Variants in KCNMB4 observed in about 807,000 individuals in gnomAD.
The protein encoded by KCNMB4 is calcium-activated potassium channel subunit beta-4.
A neutral mutation model predicts 20.7 loss-of-function variants in KCNMB4; 3 were observed. The ratio of observed to expected loss-of-function variants is 0.14; its 90% CI spans 0.07 to 0.37. The LOEUF is 0.37. Ranked by LOEUF, KCNMB4 falls within the 10% of genes least tolerant of loss-of-function variation. The pLI, the probability that KCNMB4 is intolerant of heterozygous loss-of-function variation, is 1.00. For synonymous variants in KCNMB4, 110 were observed against 113.4 expected (o/e 0.97, Z 0.19); for missense variants, 168 against 265.9 (o/e 0.63, Z 2.56).
At position 70,430,737 on chromosome 12, in the gene KCNMB4, G is replaced by A. The variant is rs765821544; in HGVS notation, c.*84G>A. 1.7e-5 allele frequency: 23 copies of A among 1,358,390 alleles called. No homozygotes were observed. Among genetic ancestry groups the A allele is most frequent in the South Asian group, 1.4e-4 (9 of 64,236 alleles). 84.1% of individuals were successfully genotyped at this position (1,358,390 alleles called of 1,614,324 possible). A position where few individuals can be genotyped will look rare whatever the true frequency, so the allele number is the denominator to read the frequency against. On this transcript the variant is annotated 3_prime_UTR_variant, in exon 3 of 3. Coordinates refer to ENST00000258111, the MANE Select transcript of KCNMB4 (RefSeq NM_014505.6). ...ACCTGCGGAACCTGTGTTTCCTGGC[G>A]CAGGAGATGGACAGGGCCACGACAG...
In KCNMB4 at chr12:70,431,118, T is replaced by A. The variant is rs1266373620; in HGVS notation, c.*465T>A. The A allele has an allele frequency of 1.3e-5, 2 of 152,358 alleles. No individual in the cohort carries two copies. Among genetic ancestry groups the A allele is most frequent in the Middle Eastern group, 3.4e-3 (1 of 294 alleles). The allele number at this position is 152,358 out of a possible 1,614,324, so 9.4% of individuals were successfully genotyped here. On this transcript the variant is annotated 3_prime_UTR_variant, in exon 3 of 3. Transcript: ENST00000258111. ...ATTTGCTTCTGCTAGGTTAAACTTT[T>A]ACTTGACAACAAGGATTCCTGCTGA...
At chr12:70,394,023 A>G (rs1416197592) in intron 1 of KCNMB4, among the ~76,000 whole-genome samples, 1 of 152,168 alleles carries the variant, frequency 6.6e-6, no homozygotes, top group African/African-American at 2.4e-5. Context: ...AGGCCAAAAT[A>G]TTCATGTCTT....
chr12:70,400,171 A>G (rs1184677179), intron 1 of KCNMB4, 38 bp from the exon 2 acceptor site: 7 of 1,478,294 alleles, frequency 4.7e-6, no homozygotes, highest in Non-Finnish European at 6.4e-6. Flanking sequence ...AATGTTCCAT[A>G]AAATAATAGG....
In KCNMB4 at chr12:70,384,310, G is replaced by C. The variant is rs559350483; in HGVS notation, c.337-15899G>C. Among the ~76,000 whole-genome samples the C allele has an allele frequency of 4.6e-5, 7 of 151,782 alleles. No individual in the cohort carries two copies. The Middle Eastern group carries it at 0.014, about 295-fold the overall frequency. ...TCTCCAATAAAGAAGGCTTATTTTT[G>C]TGAGAGAAAACTGAGAACTGTTACT... is the stretch of plus-strand genomic sequence containing the variant. On this transcript the variant is annotated intron_variant, in intron 1 of 2. Transcript: ENST00000258111.
chr12:70,374,636 T>C (rs961450039), intron 1 of KCNMB4, among the ~76,000 whole-genome samples: 14 of 152,216 alleles, frequency 9.2e-5, no homozygotes, highest in Admixed American at 2.0e-4. Flanking sequence ...GCCATTTTTA[T>C]AAATAAACTA....
chr12:70,414,035 C>T (rs1455584077), intron 2 of KCNMB4, among the ~76,000 whole-genome samples: 2 of 151,966 alleles, frequency 1.3e-5, no homozygotes. Flanking sequence ...AGTTCGAGAC[C>T]AGCCTGACCA....
chr12:70,423,264 T>C (rs1360088182), intron 2 of KCNMB4, among the ~76,000 whole-genome samples: 2 of 152,206 alleles, frequency 1.3e-5, no homozygotes, highest in Non-Finnish European at 2.9e-5. Flanking sequence ...ATTTTCTCCA[T>C]GAAGAATAGG....
chr12:70,414,007 G>T (rs1348854991), intron 2 of KCNMB4, among the ~76,000 whole-genome samples: 1 of 152,146 alleles, frequency 6.6e-6, no homozygotes, highest in Non-Finnish European at 1.5e-5. Flanking sequence ...GCTGAGGCAG[G>T]CAGATCATGA....
chr12:70,377,667 A>G (rs1179087719), intron 1 of KCNMB4, among the ~76,000 whole-genome samples: 2 of 152,176 alleles, frequency 1.3e-5, no homozygotes, highest in Admixed American at 6.5e-5. Context: ...ATTTAATAGC[A>G]TTTTACTTAC....
At chr12:70,376,165 A>C (rs1274668192) in intron 1 of KCNMB4, among the ~76,000 whole-genome samples, 3 of 142,190 alleles carry the variant, frequency 2.1e-5, no homozygotes, top group Admixed American at 7.0e-5. Flanking sequence ...AAAAAAAAAA[A>C]CCAACAAATT....
At chr12:70,408,255 G>A (rs1055352910) in intron 2 of KCNMB4, among the ~76,000 whole-genome samples, 4 of 152,156 alleles carry the variant, frequency 2.6e-5, no homozygotes, top group Middle Eastern at 3.4e-3. Context: ...GCTGTTTGGA[G>A]GTGTGAAAAA....
chr12:70,388,494 T>C (rs770587010), intron 1 of KCNMB4, among the ~76,000 whole-genome samples: 1 of 152,116 alleles, frequency 6.6e-6, no homozygotes, highest in Admixed American at 6.5e-5. Flanking sequence ...GTACAAGGAT[T>C]CCCTTTTCTC....
Position 70,384,008 on chromosome 12 carries a change from G to T in KCNMB4, c.337-16201G>T, listed in dbSNP as rs543657548. Among the ~76,000 whole-genome samples, 8 of 152,300 alleles carry T rather than the reference G, an allele frequency of 5.3e-5. No homozygotes were observed. In the South Asian group the frequency reaches 1.7e-3, roughly 32 times the overall value. On this transcript the variant is annotated intron_variant, in intron 1 of 2. Transcript: ENST00000258111. ...CACTTGAACCCAGGGGGCAGAAGTT[G>T]CAGTGAGCCGAGACCGTGCCACTGC...
At position 70,431,226 on chromosome 12, in the gene KCNMB4, T is replaced by C. The variant is rs1442541951; in HGVS notation, c.*573T>C. The C allele has an allele frequency of 2.0e-5, 3 of 152,138 alleles. No individual in the cohort carries two copies. The highest frequency in any genetic ancestry group is 4.4e-5 in the Non-Finnish European group (3 of 68,028). The allele number at this position is 152,138 out of a possible 1,614,324, so 9.4% of individuals were successfully genotyped here. A position where few individuals can be genotyped will look rare whatever the true frequency, so the allele number is the denominator to read the frequency against. Reference sequence around the variant, plus strand: ...TCTGCTTGGAAAATGAATAGTATACTGGTAACTCAGTCTCCAGTCACCTCT... The same window carrying C: ...TCTGCTTGGAAAATGAATAGTATACCGGTAACTCAGTCTCCAGTCACCTCT... On this transcript the variant is annotated 3_prime_UTR_variant, in exon 3 of 3. Coordinates refer to ENST00000258111, the MANE Select transcript of KCNMB4 (RefSeq NM_014505.6).
intron 1 of KCNMB4, among the ~76,000 whole-genome samples, chr12:70,395,591 G>A (rs150098003): frequency 6.6e-6 from 1 of 152,222 alleles, no homozygotes; most frequent in African/African-American, 2.4e-5. Context: ...TAATAAGTAC[G>A]TAATCAAGCA....
chr12:70,408,749 C>A (rs7295300), intron 2 of KCNMB4, among the ~76,000 whole-genome samples: 2,837 of 152,278 alleles, frequency 0.019, 44 homozygotes, highest in Non-Finnish European at 0.027. Flanking sequence ...GCTCAGTCTC[C>A]TTCCAAAATG....
chr12:70,400,235 A>G lies in KCNMB4; in HGVS notation c.363A>G (p.Arg121=). The G allele has an allele frequency of 6.2e-7, 1 of 1,611,510 alleles. No homozygotes were observed. The highest frequency in any genetic ancestry group is 8.5e-7 in the Non-Finnish European group (1 of 1,178,554). Residue 121 remains arginine (R), a synonymous_variant, in exon 2 of 3, where the codon AGA becomes AGG. Coordinates refer to ENST00000258111, the MANE Select transcript of KCNMB4 (RefSeq NM_014505.6). ...GCTCCTATATCCCTCCCTGTAAGAG[A>G]GAAAATCAGAAGAATTTGGAAAGTG... is the stretch of plus-strand genomic sequence containing the variant. ...PKCSYIPPCK[R]ENQKNLESVM... is the part of the protein sequence containing the mutation.
chr12:70,403,502 T>G (rs1439902285), intron 2 of KCNMB4, among the ~76,000 whole-genome samples: 1 of 152,066 alleles, frequency 6.6e-6, no homozygotes, highest in African/African-American at 2.4e-5. Flanking sequence ...CCAGCTAATT[T>G]TTGTATTATT....
chr12:70,375,885 T>C (rs1412633810), intron 1 of KCNMB4, among the ~76,000 whole-genome samples: 1 of 152,190 alleles, frequency 6.6e-6, no homozygotes, highest in East Asian at 1.9e-4. Context: ...ACAGGATATA[T>C]GTCTGTCCTT....
Sources: allele counts gnomAD v4.1 joint callset (sites outside exome capture counted in the v4.1 genomes callset), GRCh38; gene constraint gnomAD v4.1.1; transcripts MANE v1.5; gene names NCBI Gene and HGNC (gene_info 2026-07-23, HGNC 2026-07-21).